The following GNPTAB variants were observed in gnomAD, a reference collection of about 807,000 sequenced individuals.
GNPTAB encodes N-acetylglucosamine-1-phosphotransferase subunits alpha/beta.
In GNPTAB, 92 loss-of-function variants were observed where a neutral mutation model predicts 136.6. That is an observed-to-expected ratio of 0.67 (90% CI 0.57 to 0.80). The LOEUF (loss-of-function observed/expected upper bound fraction) is 0.80. Among genes scored for constraint, GNPTAB ranks in the 30% least tolerant of loss-of-function variants. The probability of loss-of-function intolerance (pLI) is 0.00; values close to 1 mark genes in which losing one functional copy is unlikely to be tolerated. For synonymous variants in GNPTAB, 512 were observed against 535.1 expected (o/e 0.96, Z 0.60); for missense variants, 1,343 against 1,501.8 (o/e 0.89, Z 1.75).
At chr12:101,766,365 T>G in intron 11 of GNPTAB, 71 bp from the exon 12 acceptor site, 1 of 1,372,024 alleles carries the variant, frequency 7.3e-7, no homozygotes, top group African/African-American at 1.4e-5. Context: ...GGACTGGGTG[T>G]GGTGGCTGAC....
intron 3 of GNPTAB, among the ~76,000 whole-genome samples, chr12:101,789,360 G>A (rs1315195183): frequency 6.6e-6 from 1 of 152,190 alleles, no homozygotes; most frequent in East Asian, 1.9e-4. Flanking sequence ...ATGGATGACT[G>A]CCAAGATCTC....
At chr12:101,758,020 A>G (rs979451284) in intron 16 of GNPTAB, among the ~76,000 whole-genome samples, 1 of 151,606 alleles carries the variant, frequency 6.6e-6, no homozygotes, top group Admixed American at 6.6e-5. Flanking sequence ...CCGACCCACA[A>G]ATAGTCTCAT....
At chr12:101,750,755 TA>T (rs1264263902) in intron 19 of GNPTAB, among the ~76,000 whole-genome samples, 3 of 152,068 alleles carry the variant, frequency 2.0e-5, no homozygotes, top group Non-Finnish European at 4.4e-5. Flanking sequence ...CTTATGAAAA[TA>T]AAAACATAAA....
chr12:101,761,385 A>C, intron 14 of GNPTAB, 39 bp from the exon 15 acceptor site: 3 of 1,572,962 alleles, frequency 1.9e-6, no homozygotes, highest in Non-Finnish European at 2.6e-6. Context: ...TGGATATTCA[A>C]AGTATGTACC....
At chr12:101,748,376 G>A (rs1952767309) in intron 20 of GNPTAB, among the ~76,000 whole-genome samples, 1 of 152,086 alleles carries the variant, frequency 6.6e-6, no homozygotes, top group Non-Finnish European at 1.5e-5. Context: ...CTTGATTGGA[G>A]GCAGAGGCCA....
intron 7 of GNPTAB, among the ~76,000 whole-genome samples, chr12:101,772,882 T>C (rs1335867135): frequency 6.6e-6 from 1 of 152,208 alleles, no homozygotes; most frequent in Non-Finnish European, 1.5e-5. Context: ...AGTGATGTGA[T>C]CTCGGCTCAC....
At chr12:101,826,715 A>C (rs1871100110) in intron 1 of GNPTAB, among the ~76,000 whole-genome samples, 1 of 152,126 alleles carries the variant, frequency 6.6e-6, no homozygotes, top group South Asian at 2.1e-4. Context: ...CTGAAATAAT[A>C]AATTTTAACT....
rs142566293 is a variant in GNPTAB, at chr12:101,805,217, C to A, written c.118-8455G>T. On this transcript the variant is annotated intron_variant, in intron 1 of 20. Transcript: ENST00000299314. ...TGCAAAATTGTCATAAAAAAGTTTA[C>A]TGAAATGAAGTTTTGCACAATATCT... Among the ~76,000 whole-genome samples the A allele has an allele frequency of 2.0e-5, 3 of 152,222 alleles. No individual in the cohort carries two copies. In the East Asian group the frequency reaches 5.8e-4, roughly 29 times the overall value.
At chr12:101,772,063 TCATAAA>T (rs1248413091) in intron 7 of GNPTAB, among the ~76,000 whole-genome samples, 11 of 152,208 alleles carry the variant, frequency 7.2e-5, no homozygotes, top group Non-Finnish European at 1.6e-4. Flanking sequence ...TTTGGGGCAA[TCATAAA>T]TCTAAGCGTG....
chr12:101,765,448 C>T, intron 12 of GNPTAB, 144 bp from the exon 13 acceptor site: 2 of 669,248 alleles, frequency 3.0e-6, no homozygotes, highest in Non-Finnish European at 5.3e-6. Context: ...CGTCCTTGTG[C>T]AGGGGCCATG....
intron 4 of GNPTAB, among the ~76,000 whole-genome samples, 178 bp downstream of exon 4, chr12:101,788,370 G>A (rs1868789353): frequency 6.6e-6 from 1 of 152,220 alleles, no homozygotes; most frequent in Admixed American, 6.5e-5. Flanking sequence ...AGAATTCTCA[G>A]TCAACTATGC....
chr12:101,771,592 G>C (rs968640094), intron 7 of GNPTAB, among the ~76,000 whole-genome samples: 2 of 152,104 alleles, frequency 1.3e-5, no homozygotes, highest in Non-Finnish European at 2.9e-5. Context: ...ACAACAAAAA[G>C]ACCTACACAG....
Position 101,764,301 on chromosome 12 carries a change from A to AACGC in GNPTAB, c.2612_2615dup (p.Thr873ArgfsTer3). On this transcript the variant is annotated frameshift_variant, in exon 13 of 21. Transcript: ENST00000299314. LOFTEE classifies it high-confidence loss of function. ...GCTTTCTTCCAAGTAACACTTCAGT[A>AACGC]ACGCCTATGTGATTTTCAGCATTTT... The AACGC allele has an allele frequency of 6.2e-7, 1 of 1,614,000 alleles. No individual in the cohort carries two copies. The highest frequency in any genetic ancestry group is 1.3e-5 in the African/African-American group (1 of 75,014).
At chr12:101,780,358 T>A in intron 6 of GNPTAB, 72 bp from the exon 7 acceptor site, 1 of 1,499,900 alleles carries the variant, frequency 6.7e-7, no homozygotes, top group South Asian at 1.1e-5. Flanking sequence ...CTGAGAAAAC[T>A]GGTAAAGATC....
intron 1 of GNPTAB, among the ~76,000 whole-genome samples, chr12:101,798,219 T>C (rs1410948810): frequency 6.6e-6 from 1 of 152,200 alleles, no homozygotes. Context: ...AATGTTTTCT[T>C]GGTTTTCCCT....
intron 11 of GNPTAB, among the ~76,000 whole-genome samples, chr12:101,767,151 CT>C (rs1953106353): frequency 6.6e-6 from 1 of 152,162 alleles, no homozygotes; most frequent in African/African-American, 2.4e-5. Flanking sequence ...AAATCCATTT[CT>C]TCATATGGAA....
At chr12:101,772,113 T>C (rs1953185710) in intron 7 of GNPTAB, among the ~76,000 whole-genome samples, 1 of 152,338 alleles carries the variant, frequency 6.6e-6, no homozygotes, top group Middle Eastern at 3.4e-3. Flanking sequence ...CAAACAGGCT[T>C]TGCCACCCCT....
At position 101,761,274 on chromosome 12, in the gene GNPTAB, A is replaced by T; in HGVS notation, c.2988T>A (p.Ser996=). The change falls in exon 15 of 21, where the codon TCT becomes TCA. Residue 996 remains serine, a synonymous_variant. Transcript: ENST00000299314. ...RHSEDMQFAF[S]YFYYLMSAVQ... ...CTGCACTCATGAGATAATAAAAATAAGAGAAGGCAAACTGCATATCCTCAG... is the reference window on the plus strand; with the variant it reads ...CTGCACTCATGAGATAATAAAAATATGAGAAGGCAAACTGCATATCCTCAG... 6.2e-7 allele frequency: 1 copy of T among 1,614,210 alleles called. No homozygotes were observed. The highest frequency in any genetic ancestry group is 8.5e-7 in the Non-Finnish European group (1 of 1,180,030).
In GNPTAB at chr12:101,814,891, T is replaced by A. The variant is rs183853181; in HGVS notation, c.117+15668A>T. ...CAGTCTGTTGCAATGTCACATGTCCTGTAGGCCTCGAGAAAACTCCACTGT... is the reference window on the plus strand; with the variant it reads ...CAGTCTGTTGCAATGTCACATGTCCAGTAGGCCTCGAGAAAACTCCACTGT... On this transcript the variant is annotated intron_variant, in intron 1 of 20. Transcript: ENST00000299314. Among the ~76,000 whole-genome samples, 9 of 152,310 alleles carry A rather than the reference T, an allele frequency of 5.9e-5. No individual in the cohort carries two copies. In the East Asian group the frequency reaches 1.5e-3, roughly 26 times the overall value.
Sources: allele counts gnomAD v4.1 joint callset (sites outside exome capture counted in the v4.1 genomes callset), GRCh38; gene constraint gnomAD v4.1.1; transcripts MANE v1.5; gene names NCBI Gene and HGNC (gene_info 2026-07-23, HGNC 2026-07-21).